Variants in PAH observed in about 807,000 individuals in gnomAD.
PAH encodes phenylalanine-4-hydroxylase.
PAH carries 64 observed loss-of-function variants against 62.0 expected under a neutral mutation model. The observed-to-expected ratio is 1.03, with a 90% CI of 0.84 to 1.27. The LOEUF is 1.27. Ranked by LOEUF, PAH falls within the 50% of genes most tolerant of loss-of-function variation. PAH has a pLI of 0.00. For missense variants in PAH, 579 were observed against 542.8 expected, an observed-to-expected ratio of 1.07 and a Z score of -0.66; for synonymous variants, 195 against 196.2, an observed-to-expected ratio of 0.99 and a Z score of 0.05.
chr12:102,880,891 G>A (rs114399078), intron 3 of PAH, among the ~76,000 whole-genome samples: 3,002 of 150,168 alleles, frequency 0.02, 104 homozygotes, highest in African/African-American at 0.067. Flanking sequence ...TCTTTATTGG[G>A]GTATAATTGA....
At chr12:102,890,492 G>A (rs193074238) in intron 3 of PAH, among the ~76,000 whole-genome samples, 10 of 152,318 alleles carry the variant, frequency 6.6e-5, no homozygotes, top group Admixed American at 2.6e-4. Flanking sequence ...ATGCCAGGTC[G>A]TGGCATGTCA....
chr12:102,847,639 A>G (rs1221105820), intron 8 of PAH, among the ~76,000 whole-genome samples: 1 of 152,240 alleles, frequency 6.6e-6, no homozygotes, highest in African/African-American at 2.4e-5. Flanking sequence ...GAACATATAC[A>G]TAACTATGTT....
At chr12:102,863,100 A>G (rs1322191473) in intron 5 of PAH, among the ~76,000 whole-genome samples, 7 of 152,302 alleles carry the variant, frequency 4.6e-5, no homozygotes, top group East Asian at 3.9e-4. Flanking sequence ...GCAATTTAGT[A>G]AACCTCTCTG....
intron 1 of PAH, among the ~76,000 whole-genome samples, chr12:102,929,869 T>TGCCATTCTCAGAGATAGC (rs1777096119): frequency 6.6e-6 from 1 of 152,076 alleles, no homozygotes; most frequent in African/African-American, 2.4e-5. Flanking sequence ...ATGGAGAGAA[T>TGCCATTCTCAGAGATAGC]GCCATTCTCA....
intron 1 of PAH, among the ~76,000 whole-genome samples, chr12:102,928,778 C>T (rs1274925444): frequency 6.6e-6 from 1 of 152,082 alleles, no homozygotes; most frequent in Non-Finnish European, 1.5e-5. Flanking sequence ...AAAAAGGTGG[C>T]TGAGGTCTAG....
chr12:102,899,180 A>C (rs1349366993), intron 2 of PAH, among the ~76,000 whole-genome samples: 1 of 152,240 alleles, frequency 6.6e-6, no homozygotes, highest in Non-Finnish European at 1.5e-5. Context: ...AAACTTCAAA[A>C]GGAGACATAA....
At position 102,845,469 on chromosome 12, in the gene PAH, G is replaced by C. The variant is rs192034514; in HGVS notation, c.970-1038C>G. Among the ~76,000 whole-genome samples the C allele has an allele frequency of 7.5e-4, 114 of 152,182 alleles. 1 individual carries two copies. Among genetic ancestry groups the C allele is most frequent in the Non-Finnish European group, 2.2e-4 (15 of 67,994 alleles). On this transcript the variant is annotated intron_variant, in intron 9 of 12. Coordinates refer to ENST00000553106, the MANE Select transcript of PAH (RefSeq NM_000277.3). ...GTCCCATCATCCATGCTAAAACTTGGGGATGTTTCTGAAGTCAACTACTGC... is the reference window on the plus strand; with the variant it reads ...GTCCCATCATCCATGCTAAAACTTGCGGATGTTTCTGAAGTCAACTACTGC...
intron 5 of PAH, among the ~76,000 whole-genome samples, chr12:102,862,947 A>G (rs1326466539): frequency 8.6e-5 from 5 of 58,242 alleles, no homozygotes; most frequent in African/African-American, 2.7e-4. Flanking sequence ...AATGATGGTG[A>G]AAAAAAAAAA....
chr12:102,857,880 G>T (rs939025663), intron 5 of PAH, among the ~76,000 whole-genome samples: 3 of 152,204 alleles, frequency 2.0e-5, no homozygotes, highest in Admixed American at 2.0e-4. Context: ...ATGCCAAATT[G>T]TAAAGACCAT....
At chr12:102,921,347 C>T (rs903779306), upstream of PAH, among the ~76,000 whole-genome samples, 1 of 152,078 alleles carries the variant, frequency 6.6e-6, no homozygotes, top group Non-Finnish European at 1.5e-5. Flanking sequence ...TATTTTCTAC[C>T]CATTTTCTAC....
At chr12:102,892,216 T>C (rs1297776414) in intron 3 of PAH, among the ~76,000 whole-genome samples, 4 of 152,188 alleles carry the variant, frequency 2.6e-5, no homozygotes. Context: ...AGAAAGGCCA[T>C]GGAGCTACCT....
At chr12:102,956,333 G>A (rs970128880) in intron 1 of PAH, among the ~76,000 whole-genome samples, 1 of 152,246 alleles carries the variant, frequency 6.6e-6, no homozygotes, top group Non-Finnish European at 1.5e-5. Flanking sequence ...GTCCCCAGAC[G>A]TCCTGAAGCT....
At chr12:102,873,091 T>G (rs1042272324) in intron 4 of PAH, among the ~76,000 whole-genome samples, 1 of 152,098 alleles carries the variant, frequency 6.6e-6, no homozygotes, top group African/African-American at 2.4e-5. Context: ...TAGCCTAGAC[T>G]CCAGTGCAGC....
intron 6 of PAH, chr12:102,854,788 T>C (rs1272274978): frequency 5.4e-6 from 2 of 373,684 alleles, no homozygotes; most frequent in African/African-American, 2.1e-5. Context: ...TCCTAACTCA[T>C]AACACAGCAG....
Position 102,838,869 on chromosome 12 carries a change from A to G in PAH, c.*306T>C, listed in dbSNP as rs1031804170. The stretch of plus-strand genomic sequence containing the variant: ...AGCATATATGAAGCTTGAATGAAGC[A>G]GGTCCCAAATTTTAATTAATCTTGA... On this transcript the variant is annotated 3_prime_UTR_variant, in exon 13 of 13. Coordinates refer to ENST00000553106, the MANE Select transcript of PAH (RefSeq NM_000277.3). 1.2e-5 allele frequency: 5 copies of G among 427,592 alleles called. No individual in the cohort carries two copies. The highest frequency in any genetic ancestry group is 1.0e-4 in the African/African-American group (5 of 50,102). The allele number at this position is 427,592 out of a possible 1,614,324, so 26.5% of individuals were successfully genotyped here.
intron 8 of PAH, 137 bp downstream of exon 8, chr12:102,851,550 C>A (rs1360528742): frequency 8.2e-6 from 6 of 730,890 alleles, no homozygotes; most frequent in African/African-American, 1.7e-5. Flanking sequence ...ACCACACACC[C>A]ATTTCAGGTG....
rs1363697681 is a variant in PAH, at chr12:102,837,163, C to T, written c.*2012G>A. On this transcript the variant is annotated 3_prime_UTR_variant, in exon 13 of 13. Coordinates refer to ENST00000553106, the MANE Select transcript of PAH (RefSeq NM_000277.3). Reference sequence around the variant, plus strand: ...ATTGGAAATTTATTAAATCCCATAGCTATAGACTGGGCTTTTATATCTGGA... The same window carrying T: ...ATTGGAAATTTATTAAATCCCATAGTTATAGACTGGGCTTTTATATCTGGA... 1.3e-5 allele frequency: 2 copies of T among 152,146 alleles called. No homozygotes were observed. The highest frequency in any genetic ancestry group is 2.9e-5 in the Non-Finnish European group (2 of 68,024). The allele number at this position is 152,146 out of a possible 1,614,324, so 9.4% of individuals were successfully genotyped here.
rs555555487 is a variant in PAH, at chr12:102,839,370, T to TA, written c.1316-153dup. The TA allele has an allele frequency of 3.9e-5, 28 of 715,492 alleles. No homozygotes were observed. The East Asian group carries it at 6.9e-4, about 18-fold the overall frequency. 44.3% of individuals were successfully genotyped at this position (715,492 alleles called of 1,614,324 possible). A position where few individuals can be genotyped will look rare whatever the true frequency, so the allele number is the denominator to read the frequency against. On this transcript the variant is annotated intron_variant, in intron 12 of 12. Coordinates refer to ENST00000553106, the MANE Select transcript of PAH (RefSeq NM_000277.3). The stretch of plus-strand genomic sequence containing the variant: ...CAAGGAGCTTACAGCCTCATTATGG[T>TA]ATAAGTACTTGCATGTTTTAGAAAA...
At chr12:102,926,879 G>T (rs1019992693) in intron 1 of PAH, among the ~76,000 whole-genome samples, 4 of 147,976 alleles carry the variant, frequency 2.7e-5, no homozygotes, top group Admixed American at 6.8e-5. Flanking sequence ...TCCCAATTCT[G>T]TGTTCAGTGA....
Sources: gnomAD v4.1 joint callset for allele counts (sites outside exome capture counted in the v4.1 genomes callset) on GRCh38, gnomAD v4.1.1 for gene constraint, MANE v1.5 for transcripts, NCBI Gene and HGNC (gene_info 2026-07-23, HGNC 2026-07-21) for gene names.